Variants in PDSS1 observed in about 807,000 individuals in gnomAD.
The protein encoded by PDSS1 is decaprenyl diphosphate synthase subunit 1, also known as all trans-polyprenyl-diphosphate synthase PDSS1.
PDSS1 carries 43 observed loss-of-function variants against 57.5 expected under a neutral mutation model. That is an observed-to-expected ratio of 0.75 (90% CI 0.59 to 0.96). The LOEUF (loss-of-function observed/expected upper bound fraction) is 0.96, where lower values mean the gene tolerates loss of function less well. Among genes scored for constraint, PDSS1 ranks in the 50% least tolerant of loss-of-function variants. PDSS1 has a pLI of 0.00. For synonymous variants in PDSS1, 175 were observed against 191.3 expected (o/e 0.91, Z 0.70); for missense variants, 438 against 527.8 (o/e 0.83, Z 1.67).
intron 11 of PDSS1, among the ~76,000 whole-genome samples, chr10:26,744,255 G>A (rs1836726361): frequency 1.3e-5 from 2 of 152,196 alleles, no homozygotes; most frequent in Admixed American, 1.3e-4. Context: ...GTGGAGGAAG[G>A]TCTTCCAAGT....
chr10:26,718,275 T>C (rs1210421802), intron 5 of PDSS1, among the ~76,000 whole-genome samples: 2 of 151,840 alleles, frequency 1.3e-5, no homozygotes, highest in African/African-American at 2.4e-5. Flanking sequence ...ACTCCTGACC[T>C]CAAGTGATCC....
intron 6 of PDSS1, 69 bp downstream of exon 6, chr10:26,720,428 T>A: frequency 9.6e-7 from 1 of 1,040,218 alleles, no homozygotes; most frequent in Non-Finnish European, 1.5e-6. Flanking sequence ...CATTTGTTTC[T>A]CAGATTTGTC....
At chr10:26,730,190 G>T (rs1245137878) in intron 8 of PDSS1, among the ~76,000 whole-genome samples, 1 of 151,992 alleles carries the variant, frequency 6.6e-6, no homozygotes, top group Non-Finnish European at 1.5e-5. Flanking sequence ...GGGATTACAG[G>T]TGTGAGCCAC....
At chr10:26,706,736 A>G (rs989478886) in intron 4 of PDSS1, among the ~76,000 whole-genome samples, 2 of 151,638 alleles carry the variant, frequency 1.3e-5, no homozygotes, top group East Asian at 3.9e-4. Flanking sequence ...CCCCCTTTCC[A>G]GCCTCTCCTC....
At chr10:26,737,099 C>G (rs765461249) in intron 10 of PDSS1, among the ~76,000 whole-genome samples, 3 of 152,092 alleles carry the variant, frequency 2.0e-5, no homozygotes, top group Non-Finnish European at 4.4e-5. Context: ...ATTCCTTTAC[C>G]TAGGCTCAGA....
chr10:26,698,092 T>G (rs1184843550), intron 1 of PDSS1, among the ~76,000 whole-genome samples: 1 of 143,054 alleles, frequency 7.0e-6, no homozygotes, highest in Non-Finnish European at 1.5e-5. Context: ...CCCGGGAGCG[T>G]TTTGGGGGGT....
At chr10:26,739,350 G>A (rs1049254838) in intron 10 of PDSS1, among the ~76,000 whole-genome samples, 1 of 152,186 alleles carries the variant, frequency 6.6e-6, no homozygotes, top group African/African-American at 2.4e-5. Context: ...AAATCTGCAG[G>A]CAACTGTTCT....
At chr10:26,698,137 C>A (rs1023789067) in intron 1 of PDSS1, among the ~76,000 whole-genome samples, 1 of 151,546 alleles carries the variant, frequency 6.6e-6, no homozygotes, top group Non-Finnish European at 1.5e-5. Flanking sequence ...CTGGGGGAAG[C>A]GCAGGAGCGA....
At chr10:26,719,808 A>C (rs1835724059) in intron 5 of PDSS1, among the ~76,000 whole-genome samples, 1 of 152,222 alleles carries the variant, frequency 6.6e-6, no homozygotes, top group Admixed American at 6.5e-5. Flanking sequence ...ACATTGAGAC[A>C]GTTGAGTCTT....
At chr10:26,742,393 G>A in intron 10 of PDSS1, 104 bp from the exon 11 acceptor site, 3 of 849,700 alleles carry the variant, frequency 3.5e-6, no homozygotes, top group Non-Finnish European at 5.8e-6. Context: ...TTTCATTTTT[G>A]TTGTTTCTTG....
At chr10:26,728,774 C>CTTTTTTTTTTTTTT (rs33930147) in intron 8 of PDSS1, among the ~76,000 whole-genome samples, 2 of 84,570 alleles carry the variant, frequency 2.4e-5, no homozygotes, top group Non-Finnish European at 4.2e-5. Context: ...TATTCTGTAT[C>CTTTTTTTTTTTTTT]TTTTTTTTTT....
intron 5 of PDSS1, chr10:26,715,297 G>T (rs1417056826): frequency 6.6e-6 from 1 of 152,200 alleles, no homozygotes; most frequent in Non-Finnish European, 1.5e-5. Context: ...AAGAACCTCA[G>T]TGAGAGCAAG....
At chr10:26,724,537 A>G (rs1307427294) in intron 8 of PDSS1, among the ~76,000 whole-genome samples, 2 of 152,110 alleles carry the variant, frequency 1.3e-5, no homozygotes, top group Non-Finnish European at 2.9e-5. Context: ...GATATCTGTT[A>G]GATTGTACTA....
intron 11 of PDSS1, 47 bp downstream of exon 11, chr10:26,742,624 C>A: frequency 8.8e-7 from 1 of 1,141,450 alleles, no homozygotes; most frequent in South Asian, 1.2e-5. Flanking sequence ...AACAACGTGG[C>A]AAAATCCTTT....
chr10:26,733,268 C>T (rs1358393187), intron 8 of PDSS1, among the ~76,000 whole-genome samples: 2 of 152,146 alleles, frequency 1.3e-5, no homozygotes, highest in African/African-American at 4.8e-5. Flanking sequence ...CAGCACATCC[C>T]AGGCTGCCCA....
At chr10:26,721,663 T>C (rs1835790249) in intron 6 of PDSS1, among the ~76,000 whole-genome samples, 1 of 152,212 alleles carries the variant, frequency 6.6e-6, no homozygotes. Flanking sequence ...TGGGTAACTC[T>C]ATGACCCATC....
At chr10:26,701,464 G>A (rs981576704) in intron 1 of PDSS1, among the ~76,000 whole-genome samples, 1 of 152,176 alleles carries the variant, frequency 6.6e-6, no homozygotes, top group Non-Finnish European at 1.5e-5. Context: ...AGCAGCCCTG[G>A]GACTTGGTGC....
At chr10:26,731,720 A>G (rs1036273078) in intron 8 of PDSS1, among the ~76,000 whole-genome samples, 1 of 152,210 alleles carries the variant, frequency 6.6e-6, no homozygotes, top group Admixed American at 6.5e-5. Flanking sequence ...AGGAGAATGT[A>G]TTGCAGTGGA....
intron 1 of PDSS1, among the ~76,000 whole-genome samples, chr10:26,700,285 G>A (rs1415557170): frequency 1.8e-5 from 2 of 109,178 alleles, no homozygotes; most frequent in African/African-American, 7.2e-5. Flanking sequence ...ATTGGCACAC[G>A]GCCATGTATT....
Sources: allele counts gnomAD v4.1 joint callset (sites outside exome capture counted in the v4.1 genomes callset), GRCh38; gene constraint gnomAD v4.1.1; transcripts MANE v1.5; gene names NCBI Gene and HGNC (gene_info 2026-07-23, HGNC 2026-07-21).